Variants in ARHGAP20 observed in about 807,000 individuals in gnomAD.
The protein encoded by ARHGAP20 is Rho GTPase activating protein 20.
In ARHGAP20, 34 loss-of-function variants were observed where a neutral mutation model predicts 73.7. The observed-to-expected ratio is 0.46, with a 90% CI of 0.35 to 0.61. The LOEUF (loss-of-function observed/expected upper bound fraction) is 0.61, where lower values mean the gene tolerates loss of function less well. Ranked by LOEUF, ARHGAP20 falls within the 20% of genes least tolerant of loss-of-function variation. The pLI is 0.00. For missense variants in ARHGAP20, 1,314 were observed against 1,420.9 expected (o/e 0.92, Z 1.21); for synonymous variants, 523 against 518.2 (o/e 1.01, Z -0.13).
At chr11:110,589,955 T>C (rs1174733210) in intron 11 of ARHGAP20, among the ~76,000 whole-genome samples, 1 of 152,046 alleles carries the variant, frequency 6.6e-6, no homozygotes, top group African/African-American at 2.4e-5. Flanking sequence ...ACCCCATCTC[T>C]ACTAAAAATA....
chr11:110,678,450 G>T (rs1949975780), intron 2 of ARHGAP20, among the ~76,000 whole-genome samples: 1 of 152,072 alleles, frequency 6.6e-6, no homozygotes, highest in Non-Finnish European at 1.5e-5. Flanking sequence ...CATGATCTGG[G>T]GAATTGGCCT....
At chr11:110,700,515 G>A (rs1950422872) in intron 1 of ARHGAP20, among the ~76,000 whole-genome samples, 1 of 151,970 alleles carries the variant, frequency 6.6e-6, no homozygotes, top group Non-Finnish European at 1.5e-5. Flanking sequence ...CCAAGCCACT[G>A]AACAATTATA....
intron 1 of ARHGAP20, among the ~76,000 whole-genome samples, chr11:110,711,248 T>TG (rs1950647210): frequency 6.6e-6 from 1 of 152,160 alleles, no homozygotes; most frequent in African/African-American, 2.4e-5. Context: ...CGCTACAAGT[T>TG]GTCACCTGCA....
chr11:110,646,792 G>A (rs1405097848), intron 2 of ARHGAP20, among the ~76,000 whole-genome samples: 1 of 152,068 alleles, frequency 6.6e-6, no homozygotes, highest in Non-Finnish European at 1.5e-5. Context: ...ACTGGCTGGG[G>A]ATATGGCAGC....
intron 13 of ARHGAP20, among the ~76,000 whole-genome samples, chr11:110,583,083 T>C (rs1947517245): frequency 6.6e-6 from 1 of 152,242 alleles, no homozygotes; most frequent in African/African-American, 2.4e-5. Flanking sequence ...AGGGAACTGA[T>C]ATCCCCACAC....
At position 110,578,497 on chromosome 11, in the gene ARHGAP20, AGTT is replaced by A; in HGVS notation, c.*870_*872del. The A allele has an allele frequency of 2.0e-6, 2 of 985,438 alleles. No individual in the cohort carries two copies. The highest frequency in any genetic ancestry group is 1.7e-5 in the African/African-American group (1 of 57,388). The allele number at this position is 985,438 out of a possible 1,614,324, so 61.0% of individuals were successfully genotyped here. A position where few individuals can be genotyped will look rare whatever the true frequency, so the allele number is the denominator to read the frequency against. On this transcript the variant is annotated 3_prime_UTR_variant, in exon 15 of 15. Transcript: ENST00000683387. ...AGCATTTGTGTAATTGAGAAAGGAC[AGTT>A]GTTGTGGTCTTTTCCTCCATATTGA...
chr11:110,637,180 C>T (rs753136005), intron 2 of ARHGAP20, among the ~76,000 whole-genome samples: 2 of 152,126 alleles, frequency 1.3e-5, no homozygotes, highest in South Asian at 2.1e-4. Flanking sequence ...AAAAATGAGT[C>T]CACTTTCAGG....
intron 2 of ARHGAP20, among the ~76,000 whole-genome samples, chr11:110,687,881 G>C (rs1950166857): frequency 6.6e-6 from 1 of 152,124 alleles, no homozygotes; most frequent in Admixed American, 6.5e-5. Flanking sequence ...AGAGAAGTCA[G>C]ATAAGAAATT....
At chr11:110,649,126 A>G (rs1949292116) in intron 2 of ARHGAP20, among the ~76,000 whole-genome samples, 1 of 152,038 alleles carries the variant, frequency 6.6e-6, no homozygotes, top group African/African-American at 2.4e-5. Context: ...TTAAAATAAA[A>G]GCTTTAGATG....
At chr11:110,605,861 A>G (rs1165303349) in intron 9 of ARHGAP20, among the ~76,000 whole-genome samples, 1 of 152,246 alleles carries the variant, frequency 6.6e-6, no homozygotes, top group Non-Finnish European at 1.5e-5. Context: ...ACATTGACAA[A>G]GGTAGCTATA....
intron 1 of ARHGAP20, among the ~76,000 whole-genome samples, chr11:110,702,208 C>G (rs1005552893): frequency 1.6e-4 from 25 of 152,206 alleles, no homozygotes; most frequent in Non-Finnish European, 2.8e-4. Flanking sequence ...GGCTTCATCC[C>G]TGGGATGCAA....
intron 1 of ARHGAP20, among the ~76,000 whole-genome samples, chr11:110,708,820 G>A (rs536992186): frequency 1.4e-4 from 21 of 152,112 alleles, no homozygotes; most frequent in African/African-American, 2.2e-4. Context: ...TTTCACAAGC[G>A]TATATATATG....
At position 110,583,579 on chromosome 11, in the gene ARHGAP20, C is replaced by A. The variant is rs768377611; in HGVS notation, c.1574G>T (p.Ser525Ile). The change falls in exon 13 of 15, where the codon AGC becomes ATC. Residue 525 changes from serine to isoleucine, a missense_variant. Around this residue, in one of 3 missense-constraint regions of ARHGAP20, gnomAD observed 230 missense variants for 317.6 expected, o/e 0.72. Transcript: ENST00000683387. ...PSILWPPASS[S>I]PELENEFTKK... ...TGTAAATTCGTTTTCTAGTTCTGGGCTGGAGGAAGCAGGAGGCCAAAGAAT... is the reference window on the plus strand; with the variant it reads ...TGTAAATTCGTTTTCTAGTTCTGGGATGGAGGAAGCAGGAGGCCAAAGAAT... 1 of 1,610,232 alleles carries A rather than the reference C, an allele frequency of 6.2e-7. No homozygotes were observed. Among genetic ancestry groups the A allele is most frequent in the South Asian group, 1.1e-5 (1 of 90,492 alleles).
At chr11:110,647,159 TTGTG>T (rs142318441) in intron 2 of ARHGAP20, among the ~76,000 whole-genome samples, 17 of 149,886 alleles carry the variant, frequency 1.1e-4, no homozygotes, top group African/African-American at 3.2e-4. Context: ...TAGATTGATT[TTGTG>T]TGTGTGTGTG....
intron 1 of ARHGAP20, among the ~76,000 whole-genome samples, chr11:110,711,170 G>T (rs1280122688): frequency 6.6e-6 from 1 of 152,122 alleles, no homozygotes; most frequent in African/African-American, 2.4e-5. Context: ...TCAGGGAACC[G>T]TTCCAGCGAA....
intron 2 of ARHGAP20, among the ~76,000 whole-genome samples, chr11:110,633,335 TA>T (rs756509403): frequency 6.6e-6 from 1 of 152,190 alleles, no homozygotes; most frequent in Non-Finnish European, 1.5e-5. Flanking sequence ...ATCACGACTA[TA>T]AAGCATAGGT....
intron 2 of ARHGAP20, among the ~76,000 whole-genome samples, chr11:110,664,317 A>T (rs1949675165): frequency 6.6e-6 from 1 of 152,226 alleles, no homozygotes; most frequent in Non-Finnish European, 1.5e-5. Flanking sequence ...TGAAGCTAAC[A>T]AGTGAGTTTA....
chr11:110,700,520 A>AT (rs1200903311), intron 1 of ARHGAP20, among the ~76,000 whole-genome samples: 1 of 151,918 alleles, frequency 6.6e-6, no homozygotes, highest in Admixed American at 6.6e-5. Flanking sequence ...CCACTGAACA[A>AT]TTATACTTCA....
At chr11:110,673,318 T>C (rs912747843) in intron 2 of ARHGAP20, among the ~76,000 whole-genome samples, 1 of 152,122 alleles carries the variant, frequency 6.6e-6, no homozygotes, top group Non-Finnish European at 1.5e-5. Flanking sequence ...GGACAAAATA[T>C]TAGGAAGGAT....
Sources: allele counts gnomAD v4.1 joint callset (sites outside exome capture counted in the v4.1 genomes callset), GRCh38; gene constraint gnomAD v4.1.1; regional missense constraint gnomAD v4.1.1; transcripts MANE v1.5; gene names NCBI Gene and HGNC (gene_info 2026-07-23, HGNC 2026-07-21).